PPP2R3A: variants seen among roughly 807,000 people sequenced by gnomAD.
The protein encoded by PPP2R3A is protein phosphatase 2 regulatory subunit B''alpha.
Under a neutral mutation model 106.9 loss-of-function variants are expected in PPP2R3A, and 80 were observed. The observed-to-expected ratio is 0.75, with a 90% CI of 0.62 to 0.90. The LOEUF (loss-of-function observed/expected upper bound fraction) is 0.90, where lower values mean the gene tolerates loss of function less well. PPP2R3A is among the 40% of genes least tolerant of loss of function. The probability of loss-of-function intolerance (pLI) is 0.00; values close to 1 mark genes in which losing one functional copy is unlikely to be tolerated. For missense variants in PPP2R3A, 1,386 were observed against 1,350.4 expected (o/e 1.03, Z -0.41); for synonymous variants, 483 against 468.3 (o/e 1.03, Z -0.41).
intron 1 of PPP2R3A, among the ~76,000 whole-genome samples, chr3:135,992,025 T>C (rs1012830671): frequency 7.9e-5 from 12 of 152,154 alleles, no homozygotes; most frequent in African/African-American, 2.9e-4. Flanking sequence ...TAAGAGATGT[T>C]GTATTTTCTC....
chr3:136,133,625 C>T (rs1393325522), intron 13 of PPP2R3A, among the ~76,000 whole-genome samples: 1 of 151,950 alleles, frequency 6.6e-6, no homozygotes, highest in Non-Finnish European at 1.5e-5. Flanking sequence ...TAGAAATCTA[C>T]CTAAGAGAAA....
intron 5 of PPP2R3A, among the ~76,000 whole-genome samples, chr3:136,065,241 C>A (rs1936227301): frequency 6.6e-6 from 1 of 151,990 alleles, no homozygotes. Context: ...TCAATATTTT[C>A]TAAAGTTGAT....
At chr3:135,976,051 T>C (rs1480396163) in intron 1 of PPP2R3A, among the ~76,000 whole-genome samples, 32 of 152,208 alleles carry the variant, frequency 2.1e-4, no homozygotes, top group Admixed American at 2.1e-3. Context: ...TTTGTATTTA[T>C]TTTTCTGTCT....
In PPP2R3A at chr3:136,137,793, G is replaced by T. The variant is rs546777235; in HGVS notation, c.3330-7250G>T. Among the ~76,000 whole-genome samples, 220 of 151,916 alleles carry T rather than the reference G, an allele frequency of 1.4e-3. 3 individuals are homozygous for T. Among genetic ancestry groups the T allele is most frequent in the African/African-American group, 4.7e-3 (194 of 41,462 alleles). ...CCTGACCTCGTGATCCGCCCACCTG[G>T]GCCTCCCAAAGTGCTGGGATTACAG... On this transcript the variant is annotated intron_variant, in intron 13 of 13. Coordinates refer to ENST00000264977, the MANE Select transcript of PPP2R3A (RefSeq NM_002718.5).
intron 1 of PPP2R3A, among the ~76,000 whole-genome samples, chr3:135,968,637 C>G (rs1193143170): frequency 7.0e-6 from 1 of 142,948 alleles, no homozygotes; most frequent in East Asian, 1.9e-4. Context: ...AAGACCGACG[C>G]CTGGGCCCTC....
At chr3:136,139,052 G>T (rs529121924) in intron 13 of PPP2R3A, among the ~76,000 whole-genome samples, 1 of 152,040 alleles carries the variant, frequency 6.6e-6, no homozygotes. Context: ...TAGGTACCAT[G>T]TGTCTTAGAT....
At chr3:136,111,364 A>AAAAT (rs1468144465) in intron 13 of PPP2R3A, among the ~76,000 whole-genome samples, 3 of 152,164 alleles carry the variant, frequency 2.0e-5, no homozygotes, top group Non-Finnish European at 4.4e-5. Flanking sequence ...TAGAAGAATA[A>AAAAT]AAATAAAATG....
Position 136,001,312 on chromosome 3 carries a change from A to G in PPP2R3A, c.-187A>G, listed in dbSNP as rs972528975. 2.9e-5 allele frequency: 16 copies of G among 557,770 alleles called. No homozygotes were observed. The highest frequency in any genetic ancestry group is 4.1e-5 in the Non-Finnish European group (13 of 319,352). The allele number at this position is 557,770 out of a possible 1,614,324, so 34.6% of individuals were successfully genotyped here. A position where few individuals can be genotyped will look rare whatever the true frequency, so the allele number is the denominator to read the frequency against. On this transcript the variant is annotated 5_prime_UTR_variant, in exon 2 of 14. Coordinates refer to ENST00000264977, the MANE Select transcript of PPP2R3A (RefSeq NM_002718.5). ...AATTTGCCACACATGTGCAGCAGCT[A>G]CTGTATCCTGATAGTGACCAAACCT...
In PPP2R3A at chr3:136,002,478, G is replaced by T; in HGVS notation, c.980G>T (p.Gly327Val). The T allele has an allele frequency of 6.2e-7, 1 of 1,614,022 alleles. No homozygotes were observed. Among genetic ancestry groups the T allele is most frequent in the Non-Finnish European group, 8.5e-7 (1 of 1,179,940 alleles). The change falls in exon 2 of 14, where the codon GGC becomes GTC. Residue 327 changes from glycine (G) to valine (V), a missense_variant. Gly to Val is a moderately radical substitution (Grantham distance 109, BLOSUM62 -3). Coordinates refer to ENST00000264977, the MANE Select transcript of PPP2R3A (RefSeq NM_002718.5). ...LQLTPFSPVF[G>V]TEQPPKYEDV... ...CTGACTCCCTTCTCCCCAGTGTTTG[G>T]CACTGAACAACCCCCTAAATATGAA...
intron 1 of PPP2R3A, among the ~76,000 whole-genome samples, chr3:135,999,125 G>T (rs1933517367): frequency 1.3e-5 from 2 of 152,180 alleles, no homozygotes; most frequent in Admixed American, 6.5e-5. Flanking sequence ...CCAGGGTCAG[G>T]CACAGAGTAG....
chr3:135,974,462 GCTTTACA>G (rs1401713336), intron 1 of PPP2R3A, among the ~76,000 whole-genome samples: 3 of 152,156 alleles, frequency 2.0e-5, no homozygotes, highest in African/African-American at 7.2e-5. Context: ...CCACTCAGAG[GCTTTACA>G]CTTTCCTACA....
At chr3:136,064,666 A>G (rs2107895930) in intron 5 of PPP2R3A, among the ~76,000 whole-genome samples, 1 of 152,318 alleles carries the variant, frequency 6.6e-6, no homozygotes, top group Non-Finnish European at 1.5e-5. Flanking sequence ...AAAAAACTAT[A>G]TAAGACAGCC....
chr3:136,051,758 C>G (rs897552765), intron 5 of PPP2R3A, among the ~76,000 whole-genome samples: 1 of 152,218 alleles, frequency 6.6e-6, no homozygotes, highest in Non-Finnish European at 1.5e-5. Flanking sequence ...GATCCAAAAA[C>G]AGTATTACCA....
In PPP2R3A at chr3:136,087,928, CA is replaced by C. The variant is rs1576493630; in HGVS notation, c.2836del (p.Arg946GlyfsTer11). 2 of 1,606,732 alleles carry C rather than the reference CA, an allele frequency of 1.2e-6. No individual in the cohort carries two copies. The highest frequency in any genetic ancestry group is 1.7e-6 in the Non-Finnish European group (2 of 1,174,354). ...GAAAGGATATTCTCTGGTGCAGTAACAAGGTAAGAAAACGTTTAATGCTGTG... is the reference window on the plus strand; with the variant it reads ...GAAAGGATATTCTCTGGTGCAGTAACAGGTAAGAAAACGTTTAATGCTGTG... ...IIERIFSGAV[T>X]RGKTIQKEGR... On this transcript the variant is annotated frameshift_variant and splice_region_variant, in exon 9 of 14. Transcript: ENST00000264977. LOFTEE classifies it high-confidence loss of function.
chr3:136,048,286 C>G (rs941195031), intron 4 of PPP2R3A, among the ~76,000 whole-genome samples: 2 of 152,126 alleles, frequency 1.3e-5, no homozygotes, highest in African/African-American at 4.8e-5. Context: ...AGGCATGGAA[C>G]ATTTGTGCAA....
At position 136,003,450 on chromosome 3, in the gene PPP2R3A, C is replaced by G. The variant is rs763309087; in HGVS notation, c.1952C>G (p.Thr651Ser). The change falls in exon 2 of 14, where the codon ACT becomes AGT. Residue 651 changes from threonine to serine, a missense_variant. Transcript: ENST00000264977. ...CCTGTTGGTGATAAAGCCAAAGATA[C>G]TACTTCAGCAGTTTTGATTCAGCAG... ...RSPVGDKAKD[T>S]TSAVLIQQTP... The G allele has an allele frequency of 6.2e-7, 1 of 1,613,248 alleles. No homozygotes were observed. Among genetic ancestry groups the G allele is most frequent in the Admixed American group, 1.7e-5 (1 of 59,948 alleles).
intron 13 of PPP2R3A, among the ~76,000 whole-genome samples, chr3:136,142,379 C>A (rs1376718776): frequency 6.6e-6 from 1 of 152,072 alleles, no homozygotes; most frequent in Non-Finnish European, 1.5e-5. Context: ...CGGCGGGGGA[C>A]AAAATCACCC....
chr3:135,971,162 T>A (rs1457681565), intron 1 of PPP2R3A, among the ~76,000 whole-genome samples: 1 of 152,196 alleles, frequency 6.6e-6, no homozygotes, highest in African/African-American at 2.4e-5. Context: ...ATAGCTTAAT[T>A]TTCCAGTTGC....
chr3:136,130,269 A>G (rs1231376497), intron 13 of PPP2R3A, among the ~76,000 whole-genome samples: 7 of 152,318 alleles, frequency 4.6e-5, no homozygotes, highest in Non-Finnish European at 1.5e-5. Flanking sequence ...AGAAAACCCC[A>G]TCGTCTCAGC....
Sources: allele counts gnomAD v4.1 joint callset (sites outside exome capture counted in the v4.1 genomes callset), GRCh38; gene constraint gnomAD v4.1.1; transcripts MANE v1.5; gene names NCBI Gene and HGNC (gene_info 2026-07-23, HGNC 2026-07-21).